LRRTM4: variants seen among roughly 807,000 people sequenced by gnomAD.
LRRTM4 encodes leucine-rich repeat transmembrane neuronal protein 4.
A neutral mutation model predicts 47.6 loss-of-function variants in LRRTM4; 25 were observed. That is an observed-to-expected ratio of 0.53 (90% CI 0.38 to 0.73). LRRTM4 has a LOEUF of 0.73. Ranked by LOEUF, LRRTM4 falls within the 30% of genes least tolerant of loss-of-function variation. The pLI is 0.00. For synonymous variants in LRRTM4, 311 were observed against 269.5 expected, an observed-to-expected ratio of 1.15 and a Z score of -1.51; for missense variants, 638 against 713.4, an observed-to-expected ratio of 0.89 and a Z score of 1.20.
chr2:77,131,477 A>G (rs778424055), intron 3 of LRRTM4, among the ~76,000 whole-genome samples: 4 of 152,212 alleles, frequency 2.6e-5, no homozygotes, highest in Non-Finnish European at 5.9e-5. Context: ...TTGCTCAGTA[A>G]TATAAACACA....
At chr2:77,465,344 A>G (rs957008111) in intron 3 of LRRTM4, among the ~76,000 whole-genome samples, 1 of 152,218 alleles carries the variant, frequency 6.6e-6, no homozygotes, top group African/African-American at 2.4e-5. Context: ...CATAATATGT[A>G]TCTGAGAAGA....
At chr2:77,208,011 T>C (rs1300386780) in intron 3 of LRRTM4, among the ~76,000 whole-genome samples, 1 of 151,620 alleles carries the variant, frequency 6.6e-6, no homozygotes, top group East Asian at 2.0e-4. Context: ...CCCAAGTAGC[T>C]GGGATCACAG....
chr2:77,321,576 A>G (rs980164602), intron 3 of LRRTM4, among the ~76,000 whole-genome samples: 12 of 108,772 alleles, frequency 1.1e-4, no homozygotes, highest in African/African-American at 8.1e-4. Context: ...GTGAAAGAAA[A>G]GAAAAGAAAA....
Position 77,401,182 on chromosome 2 carries a change from A to T in LRRTM4, c.1551+117136T>A, listed in dbSNP as rs377354831. On this transcript the variant is annotated intron_variant, in intron 3 of 3. Coordinates refer to ENST00000409884, the MANE Select transcript of LRRTM4 (RefSeq NM_001134745.3). ...AGCATCACCTGGAAGCTTGTTAAAG[A>T]TGCTAATTCTTGGGTCCCTCTGAAT... Among the ~76,000 whole-genome samples, 27 of 152,068 alleles carry T rather than the reference A, an allele frequency of 1.8e-4. No individual in the cohort carries two copies. In the East Asian group the frequency reaches 4.9e-3, roughly 27 times the overall value.
intron 3 of LRRTM4, among the ~76,000 whole-genome samples, chr2:77,366,359 T>A (rs1367124748): frequency 6.6e-6 from 1 of 151,908 alleles, no homozygotes; most frequent in African/African-American, 2.4e-5. Context: ...CCTTCTGTCT[T>A]TGCAGTAATG....
At chr2:77,218,894 G>T (rs1311180466) in intron 3 of LRRTM4, among the ~76,000 whole-genome samples, 1 of 152,064 alleles carries the variant, frequency 6.6e-6, no homozygotes, top group Non-Finnish European at 1.5e-5. Flanking sequence ...AAAAAGATTG[G>T]GTCTCAGCCC....
intron 3 of LRRTM4, among the ~76,000 whole-genome samples, chr2:77,464,699 G>A (rs2103979121): frequency 6.6e-6 from 1 of 152,110 alleles, no homozygotes; most frequent in East Asian, 1.9e-4. Context: ...TATCATGTTG[G>A]ATAACTAATA....
At chr2:76,774,862 A>C (rs1385269212) in intron 3 of LRRTM4, among the ~76,000 whole-genome samples, 3 of 152,236 alleles carry the variant, frequency 2.0e-5, no homozygotes, top group Non-Finnish European at 4.4e-5. Context: ...GTAGTAAACA[A>C]AGTCAAAGTT....
chr2:76,927,833 T>A (rs1421002886), intron 3 of LRRTM4, among the ~76,000 whole-genome samples: 1 of 152,138 alleles, frequency 6.6e-6, no homozygotes, highest in Non-Finnish European at 1.5e-5. Context: ...CAGGAGACAA[T>A]GCAGTTAAGC....
intron 3 of LRRTM4, among the ~76,000 whole-genome samples, chr2:77,331,440 A>G (rs1172757052): frequency 1.3e-5 from 2 of 152,184 alleles, no homozygotes; most frequent in Admixed American, 1.3e-4. Flanking sequence ...TAAGAATTGG[A>G]CAGGGAAAGA....
At chr2:77,233,960 G>A (rs1675037626) in intron 3 of LRRTM4, among the ~76,000 whole-genome samples, 1 of 151,928 alleles carries the variant, frequency 6.6e-6, no homozygotes, top group Non-Finnish European at 1.5e-5. Context: ...ATCATGTCCC[G>A]CAAATTTTTG....
At chr2:77,510,186 C>A (rs541067172) in intron 3 of LRRTM4, among the ~76,000 whole-genome samples, 1 of 152,012 alleles carries the variant, frequency 6.6e-6, no homozygotes, top group East Asian at 1.9e-4. Flanking sequence ...TATGATGAAA[C>A]AAACAATATT....
intron 3 of LRRTM4, among the ~76,000 whole-genome samples, chr2:76,837,905 G>A (rs1573191129): frequency 6.6e-6 from 1 of 150,566 alleles, no homozygotes; most frequent in Non-Finnish European, 1.5e-5. Flanking sequence ...ATGGACACAG[G>A]AAGGGGAACA....
intron 3 of LRRTM4, among the ~76,000 whole-genome samples, chr2:77,067,677 A>C (rs1166112321): frequency 1.5e-5 from 2 of 135,390 alleles, no homozygotes; most frequent in Non-Finnish European, 3.1e-5. Flanking sequence ...ATTGGTTTTC[A>C]AAGATACGTA....
chr2:77,476,967 T>TGA (rs200846740), intron 3 of LRRTM4, among the ~76,000 whole-genome samples: 17,716 of 76,452 alleles, frequency 0.23, 1,132 homozygotes, highest in Non-Finnish European at 0.28. Context: ...GTAAGAGATG[T>TGA]GTGTGTGTGT....
rs2104131713 is a variant in LRRTM4 at position 77,519,475 on chromosome 2, C to A, written c.394G>T (p.Val132Phe). 1 of 1,613,430 alleles carries A rather than the reference C, an allele frequency of 6.2e-7. No homozygotes were observed. The highest frequency in any genetic ancestry group is 1.1e-5 in the South Asian group (1 of 91,072). The change falls in exon 3 of 4, where the codon GTT becomes TTT. Residue 132 changes from valine to phenylalanine, a missense_variant. By Grantham distance (50) the Val-to-Phe change is conservative. Coordinates refer to ENST00000409884, the MANE Select transcript of LRRTM4 (RefSeq NM_001134745.3). This position sits in a 1 kb window ranked among gnomAD's most constrained non-coding sequence, Gnocchi z 4.6. ...AGGTCCAGATTGCGGAGATTGGGAA[C>A]TGGGTGAAATGTTTTATTGTGCAGA... ...TYLHNKTFHP[V>F]PNLRNLDLSY...
intron 3 of LRRTM4, among the ~76,000 whole-genome samples, chr2:77,040,904 C>A (rs1229053161): frequency 1.3e-5 from 2 of 151,408 alleles, no homozygotes; most frequent in Non-Finnish European, 3.0e-5. Context: ...GTATACCTAT[C>A]ACCTCAAACA....
At chr2:76,987,126 A>G (rs1422766304) in intron 3 of LRRTM4, among the ~76,000 whole-genome samples, 1 of 151,860 alleles carries the variant, frequency 6.6e-6, no homozygotes, top group Non-Finnish European at 1.5e-5. Flanking sequence ...TAATCCTCAC[A>G]TTTTTTGTAA....
At chr2:77,080,965 C>A (rs975336515) in intron 3 of LRRTM4, among the ~76,000 whole-genome samples, 3 of 152,172 alleles carry the variant, frequency 2.0e-5, no homozygotes, top group Non-Finnish European at 4.4e-5. Context: ...ATCCCCACTT[C>A]CCAACCAATT....
Sources: gnomAD v4.1 joint callset for allele counts (sites outside exome capture counted in the v4.1 genomes callset) on GRCh38, gnomAD v4.1.1 for gene constraint, Gnocchi (gnomAD v3.1) non-coding constraint, MANE v1.5 for transcripts, NCBI Gene and HGNC (gene_info 2026-07-23, HGNC 2026-07-21) for gene names.